The following AGAP3 variants were observed in gnomAD, a reference collection of about 807,000 sequenced individuals.
AGAP3 encodes ArfGAP with GTPase domain, ankyrin repeat and PH domain 3.
In AGAP3, 24 loss-of-function variants were observed where a neutral mutation model predicts 96.9. The observed-to-expected ratio is 0.25, with a 90% CI of 0.18 to 0.35. The LOEUF (loss-of-function observed/expected upper bound fraction) is 0.35. AGAP3 is among the 10% of genes least tolerant of loss of function. The pLI is 1.00. For synonymous variants in AGAP3, 563 were observed against 536.1 expected (o/e 1.05, Z -0.69); for missense variants, 876 against 1,254.2 (o/e 0.70, Z 4.55).
Position 151,140,042 on chromosome 7 carries a change from C to T in AGAP3, c.1730C>T (p.Ser577Phe). 6.2e-7 allele frequency: 1 copy of T among 1,607,070 alleles called. No individual in the cohort carries two copies. The highest frequency in any genetic ancestry group is 8.5e-7 in the Non-Finnish European group (1 of 1,177,176). Reference sequence around the variant, plus strand: ...CTGGATCCTCCCCCATCTCCCCACTCCAACCGGAAGAAGCACCGGAGGAAA... The same window carrying T: ...CTGGATCCTCCCCCATCTCCCCACTTCAACCGGAAGAAGCACCGGAGGAAA... ...PKLDPPPSPHSNRKKHRRKKS... is the reference protein window; with the variant it reads ...PKLDPPPSPHFNRKKHRRKKS... Residue 577 changes from serine to phenylalanine, a missense_variant, in exon 13 of 18, where the codon TCC (serine) becomes TTC (phenylalanine). Ser to Phe is a radical substitution (Grantham distance 155). This residue lies in a region of AGAP3 where 155 missense variants were observed against 144.4 expected (regional missense o/e 1.07). Transcript: ENST00000397238. This position sits in a 1 kb window ranked among gnomAD's most constrained non-coding sequence, Gnocchi z 5.4.
rs1799435067 is a variant in AGAP3, at chr7:151,114,371, AT to A, written c.332-2421del. 6.6e-6 allele frequency among the ~76,000 whole-genome samples: 1 copy of A among 152,146 alleles called. No homozygotes were observed. Among genetic ancestry groups the A allele is most frequent in the African/African-American group, 2.4e-5 (1 of 41,448 alleles). On this transcript the variant is annotated intron_variant, in intron 1 of 17. Transcript: ENST00000397238. The surrounding 1 kb of genome is among the most constrained non-coding windows in gnomAD (Gnocchi z 4.4). Reference sequence around the variant, plus strand: ...GAGAAATGGCCCGCTTTTCTCCAAAATGGGGCCCAGTGTGTGGTGGACTGAG... The same window carrying A: ...GAGAAATGGCCCGCTTTTCTCCAAAAGGGGCCCAGTGTGTGGTGGACTGAG...
intron 12 of AGAP3, among the ~76,000 whole-genome samples, chr7:151,138,807 A>G (rs1264398916): frequency 6.6e-6 from 1 of 152,146 alleles, no homozygotes; most frequent in African/African-American, 2.4e-5. Context: ...CTCGCCCGCT[A>G]CTGTGGAACT....
chr7:151,085,951 AGGGCTGACCTCGGAGCCTGG>A, upstream of AGAP3: 1 of 152,346 alleles, frequency 6.6e-6, no homozygotes, highest in Non-Finnish European at 1.5e-5. Flanking sequence ...GGTGGTCTCT[AGGGCTGACCTCGGAGCCTGG>A]GGACAGGGGA....
At chr7:151,126,380 C>G (rs1385847175) in intron 9 of AGAP3, among the ~76,000 whole-genome samples, 1 of 148,178 alleles carries the variant, frequency 6.7e-6, no homozygotes, top group African/African-American at 2.5e-5. Context: ...CGGAGCGGGG[C>G]GGGGCGGGGC....
chr7:151,104,415 A>C (rs1285963927), intron 1 of AGAP3, among the ~76,000 whole-genome samples: 1 of 152,258 alleles, frequency 6.6e-6, no homozygotes, highest in Non-Finnish European at 1.5e-5. Flanking sequence ...CGTGCCCGCT[A>C]TACGAAGAGC....
intron 1 of AGAP3, among the ~76,000 whole-genome samples, chr7:151,088,864 C>G (rs1357989269): frequency 6.6e-6 from 1 of 152,190 alleles, no homozygotes; most frequent in African/African-American, 2.4e-5. Context: ...CCTCCTAGAG[C>G]CCTCCCCTGA....
rs776253366 is a variant in AGAP3, at chr7:151,143,636, C to A, written c.2529+40C>A. ...TCTAGCCTGCCCTGACCTCGCTCTT[C>A]TTAGCCTTGTTCTTTGAAAGCAACC... On this transcript the variant is annotated intron_variant, in intron 17 of 17. Transcript: ENST00000397238. This position sits in a 1 kb window ranked among gnomAD's most constrained non-coding sequence, Gnocchi z 5.9. 5.6e-6 allele frequency: 9 copies of A among 1,599,708 alleles called. No homozygotes were observed. The Admixed American group carries it at 1.5e-4, about 27-fold the overall frequency.
Position 151,142,569 on chromosome 7 carries a change from C to T in AGAP3, c.2208C>T (p.Ala736=). The T allele has an allele frequency of 6.2e-7, 1 of 1,613,696 alleles. No individual in the cohort carries two copies. Among genetic ancestry groups the T allele is most frequent in the Non-Finnish European group, 8.5e-7 (1 of 1,180,040 alleles). ...CTGTCATGACTGCCATGGGCAATGC[C>T]CTCGCCAACAGCGTCTGGGAGGGGG... ...LLAVMTAMGN[A]LANSVWEGAL... Residue 736 remains alanine (A), a synonymous_variant, in exon 16 of 18, where the codon GCC becomes GCT. Transcript: ENST00000397238. The surrounding 1 kb of genome is among the most constrained non-coding windows in gnomAD (Gnocchi z 7.5).
At chr7:151,127,127 C>T (rs1195247252) in intron 9 of AGAP3, among the ~76,000 whole-genome samples, 1 of 152,198 alleles carries the variant, frequency 6.6e-6, no homozygotes, top group East Asian at 1.9e-4. Context: ...ATCCTAATGG[C>T]ATCCATCTAG....
rs948592373 is a variant in AGAP3, at chr7:151,139,634, T to C, written c.1667-345T>C. On this transcript the variant is annotated intron_variant, in intron 12 of 17. Coordinates refer to ENST00000397238, the MANE Select transcript of AGAP3 (RefSeq NM_031946.7). This position sits in a 1 kb window ranked among gnomAD's most constrained non-coding sequence, Gnocchi z 4.9. ...TAATTGTGAGGAGCGGGGAGTGTGA[T>C]TGAGGATAAATTTGGTGCGGAGCTG... is the stretch of plus-strand genomic sequence containing the variant. The C allele has an allele frequency of 1.0e-5, 2 of 200,818 alleles. No homozygotes were observed. The highest frequency in any genetic ancestry group is 2.3e-5 in the African/African-American group (1 of 43,364). 12.4% of individuals were successfully genotyped at this position (200,818 alleles called of 1,614,324 possible). A position where few individuals can be genotyped will look rare whatever the true frequency, so the allele number is the denominator to read the frequency against.
chr7:151,112,396 CGTGTGTGTGT>C (rs71819427), intron 1 of AGAP3, among the ~76,000 whole-genome samples: 4,352 of 139,908 alleles, frequency 0.031, 213 homozygotes, highest in East Asian at 0.21. Context: ...TTCCCCGAGA[CGTGTGTGTGT>C]GTGTGTGTGT....
chr7:151,141,754 G>C lies in AGAP3; in HGVS notation c.1805-144G>C. The C allele has an allele frequency of 1.0e-6, 1 of 994,886 alleles. No individual in the cohort carries two copies. The highest frequency in any genetic ancestry group is 1.5e-5 in the South Asian group (1 of 67,604). The allele number at this position is 994,886 out of a possible 1,614,324, so 61.6% of individuals were successfully genotyped here. Reference sequence around the variant, plus strand: ...TGGCCTCCCCCTGCAAGCTGTCCTGGAGTGTGTGGCCTTGCAGCTGGGGAA... The same window carrying C: ...TGGCCTCCCCCTGCAAGCTGTCCTGCAGTGTGTGGCCTTGCAGCTGGGGAA... On this transcript the variant is annotated intron_variant, in intron 13 of 17. Transcript: ENST00000397238. This position sits in a 1 kb window ranked among gnomAD's most constrained non-coding sequence, Gnocchi z 4.2.
At position 151,143,213 on chromosome 7, in the gene AGAP3, C is replaced by T; in HGVS notation, c.2274-128C>T. ...CTTCTCTCCTTCCTTTTTGCTCCAT[C>T]TCATCTTCTCTCACTGTTTCTTCCT... On this transcript the variant is annotated intron_variant, in intron 16 of 17. Coordinates refer to ENST00000397238, the MANE Select transcript of AGAP3 (RefSeq NM_031946.7). The surrounding 1 kb of genome is among the most constrained non-coding windows in gnomAD (Gnocchi z 5.9). The T allele has an allele frequency of 8.4e-7, 1 of 1,184,386 alleles. No homozygotes were observed. Among genetic ancestry groups the T allele is most frequent in the Non-Finnish European group, 1.2e-6 (1 of 855,296 alleles). The allele number at this position is 1,184,386 out of a possible 1,614,324, so 73.4% of individuals were successfully genotyped here. A position where few individuals can be genotyped will look rare whatever the true frequency, so the allele number is the denominator to read the frequency against.
intron 8 of AGAP3, chr7:151,120,795 C>T (rs1214834222): frequency 8.5e-7 from 1 of 1,178,830 alleles, no homozygotes; most frequent in African/African-American, 1.6e-5. Flanking sequence ...ACAAACCTCA[C>T]ACCCCACACC....
intron 10 of AGAP3, among the ~76,000 whole-genome samples, chr7:151,134,161 C>T (rs1242511280): frequency 6.6e-6 from 1 of 152,216 alleles, no homozygotes; most frequent in East Asian, 1.9e-4. Flanking sequence ...GCTCCAGGTC[C>T]TTCGCCGCCC....
At chr7:151,088,505 A>G (rs1798249503) in intron 1 of AGAP3, among the ~76,000 whole-genome samples, 1 of 152,206 alleles carries the variant, frequency 6.6e-6, no homozygotes, top group South Asian at 2.1e-4. Context: ...CTTAGATCTG[A>G]AGAGGGTGGA....
At position 151,137,360 on chromosome 7, in the gene AGAP3, G is replaced by A. The variant is rs186701423; in HGVS notation, c.1496-783G>A. On this transcript the variant is annotated intron_variant, in intron 11 of 17. Transcript: ENST00000397238. ...GGTTCGGCCCCCGTGTTCTTAGACC[G>A]CCTGGGGCCATTTCTTTGTGGTCTC... Among the ~76,000 whole-genome samples the A allele has an allele frequency of 5.3e-3, 811 of 152,352 alleles. 5 individuals are homozygous for A. Among genetic ancestry groups the A allele is most frequent in the African/African-American group, 0.018 (744 of 41,584 alleles).
At position 151,117,078 on chromosome 7, in the gene AGAP3, C is replaced by T. The variant is rs774440561; in HGVS notation, c.391-17C>T. On this transcript the variant is annotated splice_polypyrimidine_tract_variant and intron_variant, in intron 2 of 17. Transcript: ENST00000397238. ...GCCCTCTGCCCTCTGACCCACTCAC[C>T]CCTTCCTCTCCCGCAGGGCATAGTG... 6.2e-7 allele frequency: 1 copy of T among 1,611,728 alleles called. No individual in the cohort carries two copies. The highest frequency in any genetic ancestry group is 1.3e-5 in the African/African-American group (1 of 74,838).
intron 8 of AGAP3, chr7:151,123,268 G>A: frequency 9.5e-7 from 1 of 1,052,834 alleles, no homozygotes; most frequent in Non-Finnish European, 1.1e-6. Flanking sequence ...GCATTCGGGT[G>A]GACTCTGCCC....
Sources: allele counts gnomAD v4.1 joint callset (sites outside exome capture counted in the v4.1 genomes callset), GRCh38; gene constraint gnomAD v4.1.1; regional missense constraint gnomAD v4.1.1; non-coding constraint Gnocchi (gnomAD v3.1); transcripts MANE v1.5; gene names NCBI Gene and HGNC (gene_info 2026-07-23, HGNC 2026-07-21).